DIP2A: variants seen among roughly 807,000 people sequenced by gnomAD.
The protein encoded by DIP2A is DIP2 acetate--CoA ligase A.
A neutral mutation model predicts 177.4 loss-of-function variants in DIP2A; 85 were observed. That is an observed-to-expected ratio of 0.48 (90% CI 0.40 to 0.57). The LOEUF (loss-of-function observed/expected upper bound fraction) is 0.57. Among genes scored for constraint, DIP2A ranks in the 20% least tolerant of loss-of-function variants. The probability of loss-of-function intolerance (pLI) is 0.00; values close to 1 mark genes in which losing one functional copy is unlikely to be tolerated. For missense variants in DIP2A, 1,791 were observed against 2,100.2 expected (o/e 0.85, Z 2.88); for synonymous variants, 886 against 881.8 (o/e 1.00, Z -0.08).
At chr21:46,470,308 C>G (rs544469291) in intron 1 of DIP2A, among the ~76,000 whole-genome samples, 1 of 152,282 alleles carries the variant, frequency 6.6e-6, no homozygotes, top group South Asian at 2.1e-4. Context: ...AACCCCGTCT[C>G]TACTAAAAAT....
chr21:46,555,952 C>T, intron 28 of DIP2A, 30 bp from the exon 29 acceptor site: 1 of 1,514,030 alleles, frequency 6.6e-7, no homozygotes, highest in Non-Finnish European at 9.2e-7. Context: ...TGTGGGAACA[C>T]TAATGTTGCT....
Position 46,498,962 on chromosome 21 carries a change from T to C in DIP2A, c.655+129T>C, listed in dbSNP as rs2057508511. The C allele has an allele frequency of 1.6e-6, 2 of 1,250,866 alleles. No homozygotes were observed. Among genetic ancestry groups the C allele is most frequent in the Admixed American group, 2.9e-5 (1 of 34,076 alleles). 77.5% of individuals were successfully genotyped at this position (1,250,866 alleles called of 1,614,324 possible). A position where few individuals can be genotyped will look rare whatever the true frequency, so the allele number is the denominator to read the frequency against. On this transcript the variant is annotated intron_variant, in intron 5 of 37. Coordinates refer to ENST00000417564, the MANE Select transcript of DIP2A (RefSeq NM_015151.4). The surrounding 1 kb of genome is among the most constrained non-coding windows in gnomAD (Gnocchi z 4.3). ...GACTTAGCTGCAGGCCTGAGTGCTC[T>C]CCAAGTGACTGAGGTCACACAACCC...
rs559456836 is a variant in DIP2A, at chr21:46,546,056, G to A, written c.2394+95G>A. 3.6e-4 allele frequency: 575 copies of A among 1,589,208 alleles called. 1 individual carries two copies. The highest frequency in any genetic ancestry group is 4.6e-4 in the Non-Finnish European group (532 of 1,163,616). On this transcript the variant is annotated intron_variant, in intron 20 of 37. Coordinates refer to ENST00000417564, the MANE Select transcript of DIP2A (RefSeq NM_015151.4). ...TTGCAGCCCCACCCTTGTCCTGGCC[G>A]TTCCTGACCTCCCATGTGGCCTTGG...
chr21:46,544,333 G>A (rs112711875), intron 18 of DIP2A, among the ~76,000 whole-genome samples: 23 of 152,312 alleles, frequency 1.5e-4, no homozygotes, highest in African/African-American at 4.8e-4. Context: ...CGGAAAGGCC[G>A]AGAAATTGAA....
intron 35 of DIP2A, 40 bp from the exon 36 acceptor site, chr21:46,565,673 G>A (rs765408155): frequency 6.3e-7 from 1 of 1,579,220 alleles, no homozygotes; most frequent in Non-Finnish European, 8.6e-7. Context: ...GAACTCGGTG[G>A]TTGGTAACAC....
At chr21:46,560,536 G>GT (rs1313482295) in intron 32 of DIP2A, among the ~76,000 whole-genome samples, 186 bp from the exon 33 acceptor site, 2 of 152,234 alleles carry the variant, frequency 1.3e-5, no homozygotes, top group Non-Finnish European at 2.9e-5. Context: ...GTGGATGTTT[G>GT]GATGGAAAGC....
Position 46,567,665 on chromosome 21 carries a change from G to A in DIP2A, c.*43G>A. 1 of 1,549,656 alleles carries A rather than the reference G, an allele frequency of 6.5e-7. No individual in the cohort carries two copies. Reference sequence around the variant, plus strand: ...AGGTGCCGGAGATGAATGAGCCCCAGCAGTCCAAGGTGTGATGTGGGAAGA... The same window carrying A: ...AGGTGCCGGAGATGAATGAGCCCCAACAGTCCAAGGTGTGATGTGGGAAGA... On this transcript the variant is annotated 3_prime_UTR_variant, in exon 38 of 38. Transcript: ENST00000417564.
In DIP2A at chr21:46,497,249, A is replaced by G. The variant is rs949445281; in HGVS notation, c.403+142A>G. 4 of 1,037,286 alleles carry G rather than the reference A, an allele frequency of 3.9e-6. No homozygotes were observed. In the African/African-American group the frequency reaches 6.6e-5, roughly 17 times the overall value. The allele number at this position is 1,037,286 out of a possible 1,614,324, so 64.3% of individuals were successfully genotyped here. A position where few individuals can be genotyped will look rare whatever the true frequency, so the allele number is the denominator to read the frequency against. On this transcript the variant is annotated intron_variant, in intron 4 of 37. Transcript: ENST00000417564. The stretch of plus-strand genomic sequence containing the variant: ...GCATTTGGAGATTAAAAATGTTTGC[A>G]TATGCTCGTATTCCTTACCTGAAAA...
intron 25 of DIP2A, 105 bp downstream of exon 25, chr21:46,552,009 G>C (rs898549069): frequency 1.6e-5 from 21 of 1,333,378 alleles, no homozygotes; most frequent in East Asian, 2.5e-5. Context: ...CTCATGTTTA[G>C]AGAACAGGGT....
rs555757363 is a variant in DIP2A at position 46,551,657 on chromosome 21, G to A, written c.2863G>A (p.Val955Met). The A allele has an allele frequency of 6.1e-5, 99 of 1,613,994 alleles. No individual in the cohort carries two copies. The highest frequency in any genetic ancestry group is 2.7e-4 in the East Asian group (12 of 44,886). The change falls in exon 24 of 38, where the codon GTG (valine) becomes ATG (methionine). Residue 955 changes from valine (V) to methionine (M), a missense_variant. Physicochemically the swap from Val to Met is conservative, Grantham distance 21. Transcript: ENST00000417564. ...AGAGGTTGGACCAGCCTCAATGATCGTGGGGAACCTGGTTGCTGGGAAGAG... is the reference window on the plus strand; with the variant it reads ...AGAGGTTGGACCAGCCTCAATGATCATGGGGAACCTGGTTGCTGGGAAGAG... The part of the protein sequence containing the change: ...QPEVGPASMI[V>M]GNLVAGKRIA...
chr21:46,579,164 C>A, the DIP2A span, among the ~76,000 whole-genome samples: 1 of 152,206 alleles, frequency 6.6e-6, no homozygotes, highest in Non-Finnish European at 1.5e-5. Flanking sequence ...AGAGATTCAA[C>A]TTCTTTGTGG....
At chr21:46,467,113 A>G (rs1338344042) in intron 1 of DIP2A, among the ~76,000 whole-genome samples, 1 of 151,692 alleles carries the variant, frequency 6.6e-6, no homozygotes, top group African/African-American at 2.4e-5. Context: ...TGGCTAACAC[A>G]GCGAAATCCT....
chr21:46,504,786 A>G (rs930043180), intron 6 of DIP2A, among the ~76,000 whole-genome samples: 2 of 152,210 alleles, frequency 1.3e-5, no homozygotes, highest in African/African-American at 4.8e-5. Flanking sequence ...TAGTAGGGAA[A>G]TGAGAAGCTG....
intron 13 of DIP2A, among the ~76,000 whole-genome samples, chr21:46,536,601 T>C (rs186409580): frequency 6.6e-6 from 1 of 152,148 alleles, no homozygotes; most frequent in African/African-American, 2.4e-5. Context: ...CTCAAAAATA[T>C]CTGATGAGAA....
intron 21 of DIP2A, among the ~76,000 whole-genome samples, chr21:46,548,922 C>A (rs1292439322): frequency 6.6e-6 from 1 of 152,222 alleles, no homozygotes; most frequent in Non-Finnish European, 1.5e-5. Context: ...GATAACAGTG[C>A]ACCCAATTTA....
At position 46,546,989 on chromosome 21, in the gene DIP2A, C is replaced by T. The variant is rs745802759; in HGVS notation, c.2469C>T (p.Asp823=). 2.1e-5 allele frequency: 34 copies of T among 1,613,820 alleles called. No individual in the cohort carries two copies. Among genetic ancestry groups the T allele is most frequent in the Admixed American group, 5.0e-5 (3 of 59,994 alleles). Residue 823 remains aspartate, a synonymous_variant, in exon 21 of 38, where the codon GAC becomes GAT. Transcript: ENST00000417564. The part of the protein sequence containing the change: ...VTGVRRHNAD[D]VVATALAVEP... ...GAGTTCGCAGACACAATGCAGATGACGTTGTGGCCACCGCACTGGCCGTGG... is the reference window on the plus strand; with the variant it reads ...GAGTTCGCAGACACAATGCAGATGATGTTGTGGCCACCGCACTGGCCGTGG...
chr21:46,539,788 A>T, intron 16 of DIP2A, 89 bp from the exon 17 acceptor site: 2 of 1,082,044 alleles, frequency 1.8e-6, no homozygotes, highest in Non-Finnish European at 2.9e-6. Context: ...CGATGGCCGC[A>T]GGCTGCGCTA....
At position 46,547,653 on chromosome 21, in the gene DIP2A, T is replaced by G. The variant is rs1164475908; in HGVS notation, c.2522+611T>G. 8.2e-5 allele frequency among the ~76,000 whole-genome samples: 10 copies of G among 122,216 alleles called. No homozygotes were observed. The South Asian group carries it at 8.8e-4, about 11-fold the overall frequency. The allele number at this position is 122,216 out of a possible 152,430, so 80.2% of individuals were successfully genotyped here. A position where few individuals can be genotyped will look rare whatever the true frequency, so the allele number is the denominator to read the frequency against. The stretch of plus-strand genomic sequence containing the variant: ...TTAAATTTTATTTTTCTCAAGGGGG[T>G]GCCTTTTTTTTTTTTTTTTTTTTTT... On this transcript the variant is annotated intron_variant, in intron 21 of 37. Transcript: ENST00000417564.
At chr21:46,511,334 A>C in intron 7 of DIP2A, 83 bp from the exon 8 acceptor site, 1 of 1,381,742 alleles carries the variant, frequency 7.2e-7, no homozygotes, top group Non-Finnish European at 9.8e-7. Flanking sequence ...AAAAAACAAT[A>C]TTATAAACTA....
Sources: gnomAD v4.1 joint callset for allele counts (sites outside exome capture counted in the v4.1 genomes callset) on GRCh38, gnomAD v4.1.1 for gene constraint, Gnocchi (gnomAD v3.1) non-coding constraint, MANE v1.5 for transcripts, NCBI Gene and HGNC (gene_info 2026-07-23, HGNC 2026-07-21) for gene names.